AACS: variants seen among roughly 807,000 people sequenced by gnomAD.
The protein encoded by AACS is acetoacetyl-CoA synthetase.
Under a neutral mutation model 83.1 loss-of-function variants are expected in AACS, and 69 were observed. The observed-to-expected ratio is 0.83, with a 90% CI of 0.68 to 1.01. AACS has a LOEUF of 1.01. AACS is among the 50% of genes least tolerant of loss of function. AACS has a pLI of 0.00. For missense variants in AACS, 866 were observed against 882.2 expected (o/e 0.98, Z 0.23); for synonymous variants, 333 against 343.4 (o/e 0.97, Z 0.33).
chr12:125,123,433 A>C (rs369472858), intron 10 of AACS: 1 of 152,198 alleles, frequency 6.6e-6, no homozygotes, highest in East Asian at 1.9e-4. Context: ...CTCCCCCAAA[A>C]CTCCAGCCAT....
At chr12:125,109,938 G>C (rs975284346) in intron 8 of AACS, among the ~76,000 whole-genome samples, 3 of 152,148 alleles carry the variant, frequency 2.0e-5, no homozygotes, top group African/African-American at 7.2e-5. Flanking sequence ...ATCTATCGGG[G>C]GGATACAACG....
chr12:125,110,189 TTGTG>T (rs59856503), intron 8 of AACS, among the ~76,000 whole-genome samples: 2,015 of 118,774 alleles, frequency 0.017, 23 homozygotes, highest in African/African-American at 0.025. Context: ...CCGGCTAAGT[TTGTG>T]TGTGTGTGTG....
intron 4 of AACS, among the ~76,000 whole-genome samples, chr12:125,090,400 A>T (rs1192240508): frequency 6.7e-6 from 1 of 150,348 alleles, no homozygotes; most frequent in Admixed American, 6.6e-5. Flanking sequence ...TCCACCCATC[A>T]TCTACCCATT....
chr12:125,080,009 C>G (rs1956131204), intron 3 of AACS, among the ~76,000 whole-genome samples: 1 of 152,170 alleles, frequency 6.6e-6, no homozygotes. Flanking sequence ...CAAGGTTCAT[C>G]CACATTGTAG....
chr12:125,093,872 C>G (rs1052085976), intron 5 of AACS, among the ~76,000 whole-genome samples: 5 of 152,208 alleles, frequency 3.3e-5, no homozygotes, highest in African/African-American at 1.2e-4. Context: ...GGCAGGGAGT[C>G]TGTCGGCATT....
chr12:125,082,781 A>G (rs1401934343), intron 3 of AACS, among the ~76,000 whole-genome samples: 1 of 152,112 alleles, frequency 6.6e-6, no homozygotes, highest in Non-Finnish European at 1.5e-5. Flanking sequence ...AAATGGTGCC[A>G]TTGCACTCCA....
intron 14 of AACS, among the ~76,000 whole-genome samples, chr12:125,131,374 G>T (rs1398121828): frequency 1.3e-5 from 2 of 152,170 alleles, no homozygotes; most frequent in African/African-American, 4.8e-5. Context: ...ACCATGCCTG[G>T]TTAATTTTTG....
chr12:125,087,016 G>A lies in AACS; in HGVS notation c.472+573G>A, dbSNP rs571715001. Among the ~76,000 whole-genome samples, 18 of 152,106 alleles carry A rather than the reference G, an allele frequency of 1.2e-4. No homozygotes were observed. The East Asian group carries it at 2.7e-3, about 23-fold the overall frequency. On this transcript the variant is annotated intron_variant, in intron 4 of 17. Transcript: ENST00000316519. ...GGCCTGGAGGCAGCAAGCAGGAGGC[G>A]TCTACACGGGCATTAGGAGCTCTGT...
Position 125,083,126 on chromosome 12 carries a change from T to A in AACS, c.359-3204T>A, listed in dbSNP as rs1956240742. ...CTTAGCTGGGTGATCACTCATCAAG[T>A]TGCAGTGAGGATGCTGGCAGGGGTT... On this transcript the variant is annotated intron_variant, in intron 3 of 17. Transcript: ENST00000316519. 1.3e-5 allele frequency among the ~76,000 whole-genome samples: 2 copies of A among 152,228 alleles called. 1 individual carries two copies. Among genetic ancestry groups the A allele is most frequent in the African/African-American group, 4.8e-5 (2 of 41,464 alleles).
intron 3 of AACS, among the ~76,000 whole-genome samples, chr12:125,084,726 G>T (rs1264575140): frequency 1.3e-5 from 2 of 151,922 alleles, no homozygotes; most frequent in Non-Finnish European, 2.9e-5. Flanking sequence ...CTATAGGTAA[G>T]CACCACCATG....
In AACS at chr12:125,078,820, CAAAAAAAAAA is replaced by C. The variant is rs71092270; in HGVS notation, c.358+2225_358+2234del. Among the ~76,000 whole-genome samples, 14 of 52,046 alleles carry C rather than the reference CAAAAAAAAAA, an allele frequency of 2.7e-4. No homozygotes were observed. In the Middle Eastern group the frequency reaches 0.053, roughly 196 times the overall value. The allele number at this position is 52,046 out of a possible 152,430, so 34.1% of individuals were successfully genotyped here. A position where few individuals can be genotyped will look rare whatever the true frequency, so the allele number is the denominator to read the frequency against. On this transcript the variant is annotated intron_variant, in intron 3 of 17. Transcript: ENST00000316519. ...TGGGCGACAGAGCAAGACTCCGTCTCAAAAAAAAAAAAAAAAAAAAAAAAAGCCTCCTCTG... is the reference window on the plus strand; with the variant it reads ...TGGGCGACAGAGCAAGACTCCGTCTCAAAAAAAAAAAAAAAGCCTCCTCTG...
chr12:125,118,712 C>T lies in AACS; in HGVS notation c.1068C>T (p.Gly356=), dbSNP rs1232200289. The T allele has an allele frequency of 1.2e-6, 2 of 1,614,098 alleles. No homozygotes were observed. The highest frequency in any genetic ancestry group is 1.1e-5 in the South Asian group (1 of 91,064). ...GAGCGGCCATGGTCTTGTACGATGGCTCCCCCCTGGTGCCCACGCCCAATG... is the reference window on the plus strand; with the variant it reads ...GAGCGGCCATGGTCTTGTACGATGGTTCCCCCCTGGTGCCCACGCCCAATG... ...ATGAAMVLYD[G]SPLVPTPNVL... Residue 356 remains glycine (G), a synonymous_variant, in exon 10 of 18, where the codon GGC becomes GGT. Coordinates refer to ENST00000316519, the MANE Select transcript of AACS (RefSeq NM_023928.5).
rs1252252576 is a variant in AACS at position 125,129,916 on chromosome 12, G to A, written c.1549+456G>A. Among the ~76,000 whole-genome samples, 3 of 152,110 alleles carry A rather than the reference G, an allele frequency of 2.0e-5. No individual in the cohort carries two copies. The highest frequency in any genetic ancestry group is 7.2e-5 in the African/African-American group (3 of 41,402). ...GATGCTGGAGGAAGAGCGCTTTTGC[G>A]GTGGAAGCATTTACAACCCGACACG... On this transcript the variant is annotated intron_variant, in intron 14 of 17. Transcript: ENST00000316519. The surrounding 1 kb of genome is among the most constrained non-coding windows in gnomAD (Gnocchi z 4.3).
intron 17 of AACS, among the ~76,000 whole-genome samples, chr12:125,137,734 C>CTG (rs375255258): frequency 1.3e-5 from 2 of 152,138 alleles, no homozygotes; most frequent in Non-Finnish European, 1.5e-5. Flanking sequence ...ACAGAAGCTG[C>CTG]TGTGTGTGTG....
chr12:125,073,362 C>G (rs925728601), intron 1 of AACS, among the ~76,000 whole-genome samples: 1 of 152,188 alleles, frequency 6.6e-6, no homozygotes, highest in Non-Finnish European at 1.5e-5. Context: ...TTTTGAACTT[C>G]TGGGTTTTCC....
intron 4 of AACS, among the ~76,000 whole-genome samples, chr12:125,087,051 C>T (rs1956355433): frequency 6.6e-6 from 1 of 152,008 alleles, no homozygotes; most frequent in South Asian, 2.1e-4. Flanking sequence ...TGGGGTGGAA[C>T]ATGGAGGGCA....
At chr12:125,090,071 C>T (rs865915577) in intron 4 of AACS, among the ~76,000 whole-genome samples, 21 of 149,300 alleles carry the variant, frequency 1.4e-4, no homozygotes, top group South Asian at 8.6e-4. Flanking sequence ...TCCATCTATC[C>T]ATCCACTCAT....
intron 7 of AACS, among the ~76,000 whole-genome samples, chr12:125,104,019 A>AAAAG (rs1491061742): frequency 6.9e-6 from 1 of 144,110 alleles, no homozygotes; most frequent in Non-Finnish European, 1.5e-5. Context: ...AAAAAAAAAA[A>AAAAG]GAATCTTCAT....
intron 14 of AACS, among the ~76,000 whole-genome samples, chr12:125,132,011 C>G (rs949086256): frequency 1.3e-5 from 2 of 152,244 alleles, no homozygotes; most frequent in Non-Finnish European, 2.9e-5. Context: ...TCGGCAGTCA[C>G]CTGTTCCCAC....
Sources: allele counts gnomAD v4.1 joint callset (sites outside exome capture counted in the v4.1 genomes callset), GRCh38; gene constraint gnomAD v4.1.1; non-coding constraint Gnocchi (gnomAD v3.1); transcripts MANE v1.5; gene names NCBI Gene and HGNC (gene_info 2026-07-23, HGNC 2026-07-21).